Variants in PLD1 observed in about 807,000 individuals in gnomAD.
PLD1 encodes the protein phospholipase D1.
PLD1 carries 112 observed loss-of-function variants against 137.1 expected under a neutral mutation model. The ratio of observed to expected loss-of-function variants is 0.82; its 90% CI spans 0.70 to 0.96. PLD1 has a LOEUF of 0.96. Ranked by LOEUF, PLD1 falls within the 40% of genes least tolerant of loss-of-function variation. The pLI, the probability that PLD1 is intolerant of heterozygous loss-of-function variation, is 0.00. For missense variants in PLD1, 1,321 were observed against 1,342.0 expected (o/e 0.98, Z 0.24); for synonymous variants, 431 against 454.7 (o/e 0.95, Z 0.66).
intron 25 of PLD1, chr3:171,611,571 A>G: frequency 1.9e-6 from 1 of 518,850 alleles, no homozygotes; most frequent in South Asian, 1.4e-5. Flanking sequence ...ACCACAGATT[A>G]GTTTAAAATT....
At chr3:171,747,856 A>G (rs963449067) in intron 1 of PLD1, among the ~76,000 whole-genome samples, 3 of 152,146 alleles carry the variant, frequency 2.0e-5, no homozygotes, top group Non-Finnish European at 4.4e-5. Flanking sequence ...ATCTGATCTA[A>G]TTTGCTATTA....
chr3:171,720,572 G>C (rs1718056923), intron 8 of PLD1, among the ~76,000 whole-genome samples: 1 of 147,816 alleles, frequency 6.8e-6, no homozygotes, highest in Admixed American at 6.7e-5. Flanking sequence ...GACAGAGCAA[G>C]ACTCCGTCTC....
chr3:171,616,630 GAT>G (rs1212478180), intron 24 of PLD1, among the ~76,000 whole-genome samples: 1 of 152,160 alleles, frequency 6.6e-6, no homozygotes, highest in Non-Finnish European at 1.5e-5. Flanking sequence ...GATTTTCAGA[GAT>G]AGAATGTTGC....
rs970611365 is a variant in PLD1 at position 171,647,451 on chromosome 3, CT to C, written c.2430-2429del. Among the ~76,000 whole-genome samples the C allele has an allele frequency of 1.9e-3, 278 of 147,244 alleles. 2 individuals are homozygous for C. The highest frequency in any genetic ancestry group is 6.1e-3 in the African/African-American group (247 of 40,198). ...GTAATATAAAATTTGCCATTTTACC[CT>C]TTTTTTTTTATTTTGAGATAGAGTT... On this transcript the variant is annotated intron_variant, in intron 21 of 26. Coordinates refer to ENST00000351298, the MANE Select transcript of PLD1 (RefSeq NM_002662.5).
chr3:171,697,215 A>C (rs1715786242), intron 12 of PLD1, among the ~76,000 whole-genome samples: 1 of 146,376 alleles, frequency 6.8e-6, no homozygotes, highest in Non-Finnish European at 1.5e-5. Flanking sequence ...TTCTTCCACT[A>C]TCAGAGTCAC....
intron 6 of PLD1, 124 bp from the exon 7 acceptor site, chr3:171,726,200 C>T: frequency 1.5e-6 from 1 of 655,792 alleles, no homozygotes; most frequent in Non-Finnish European, 2.8e-6. Context: ...CTACACAGAT[C>T]AATAATAATG....
chr3:171,752,643 G>T (rs1720743495), intron 1 of PLD1, among the ~76,000 whole-genome samples: 1 of 152,188 alleles, frequency 6.6e-6, no homozygotes. Context: ...ATCTCTGAAA[G>T]AAATCAAATC....
At chr3:171,618,858 C>CGTGTGT (rs139135798) in intron 24 of PLD1, among the ~76,000 whole-genome samples, 6,408 of 135,542 alleles carry the variant, frequency 0.047, 389 homozygotes, top group African/African-American at 0.13. Context: ...AGTGTGTGTG[C>CGTGTGT]GTGTGTGTGT....
At chr3:171,640,141 T>A (rs1328525778) in intron 23 of PLD1, among the ~76,000 whole-genome samples, 5 of 151,818 alleles carry the variant, frequency 3.3e-5, no homozygotes, top group Admixed American at 2.6e-4. Flanking sequence ...TTTTCTCTAT[T>A]TTTTTCTATT....
intron 24 of PLD1, among the ~76,000 whole-genome samples, chr3:171,616,029 C>T (rs1008425762): frequency 1.3e-5 from 2 of 152,178 alleles, no homozygotes; most frequent in African/African-American, 4.8e-5. Flanking sequence ...AACTGTTTGC[C>T]AGTCTGGTAT....
intron 8 of PLD1, among the ~76,000 whole-genome samples, chr3:171,718,822 G>A (rs769813766): frequency 2.0e-5 from 3 of 152,156 alleles, no homozygotes; most frequent in Non-Finnish European, 4.4e-5. Flanking sequence ...TAGTTCATAA[G>A]TATTCATAAA....
At chr3:171,806,010 T>C (rs1482434159) in intron 1 of PLD1, among the ~76,000 whole-genome samples, 1 of 152,190 alleles carries the variant, frequency 6.6e-6, no homozygotes, top group Non-Finnish European at 1.5e-5. Context: ...ACCTCATCTC[T>C]ACAAAATAAA....
chr3:171,694,475 T>C (rs938570745), intron 12 of PLD1, among the ~76,000 whole-genome samples: 1 of 152,044 alleles, frequency 6.6e-6, no homozygotes, highest in Non-Finnish European at 1.5e-5. Context: ...AAAATTACAA[T>C]ATTATTTTAT....
intron 23 of PLD1, among the ~76,000 whole-genome samples, chr3:171,641,034 G>C (rs1735690449): frequency 6.6e-6 from 1 of 152,180 alleles, no homozygotes; most frequent in Non-Finnish European, 1.5e-5. Flanking sequence ...AGTTTAAAGG[G>C]AAGTGCCAGA....
Position 171,735,541 on chromosome 3 carries a change from C to G in PLD1, c.385G>C (p.Glu129Gln), listed in dbSNP as rs145174960. ...KFKHFQEFHR[E>Q]LLKYKAFIRI... ...ATAAAGGCTTTGTACTTGAGCAGCT[C>G]TCTGTGAAATTCTTGAAAATGCTTG... The change falls in exon 4 of 27, where the codon GAG becomes CAG. Residue 129 changes from glutamate to glutamine, a missense_variant. Coordinates refer to ENST00000351298, the MANE Select transcript of PLD1 (RefSeq NM_002662.5). 11 of 1,613,046 alleles carry G rather than the reference C, an allele frequency of 6.8e-6. No individual in the cohort carries two copies. In the African/African-American group the frequency reaches 8.0e-5, roughly 12 times the overall value.
chr3:171,688,108 G>A (rs1714760823), intron 14 of PLD1, among the ~76,000 whole-genome samples: 1 of 151,364 alleles, frequency 6.6e-6, no homozygotes, highest in Non-Finnish European at 1.5e-5. Context: ...TTTTTAATAA[G>A]TGTATTCATA....
At chr3:171,613,063 G>A (rs372654721) in intron 24 of PLD1, among the ~76,000 whole-genome samples, 3 of 152,198 alleles carry the variant, frequency 2.0e-5, no homozygotes, top group South Asian at 2.1e-4. Context: ...CCAGCTGCTC[G>A]GAATGCTGAG....
intron 1 of PLD1, among the ~76,000 whole-genome samples, chr3:171,798,975 C>T (rs938979189): frequency 6.6e-6 from 1 of 152,194 alleles, no homozygotes; most frequent in South Asian, 2.1e-4. Context: ...GATTTGGGGG[C>T]ATCATTCTGG....
intron 8 of PLD1, among the ~76,000 whole-genome samples, chr3:171,720,132 A>G (rs1366572432): frequency 6.6e-6 from 1 of 151,950 alleles, no homozygotes; most frequent in South Asian, 2.1e-4. Flanking sequence ...CCATCTTTAC[A>G]AAAAATACAA....
Sources: gnomAD v4.1 joint callset for allele counts (sites outside exome capture counted in the v4.1 genomes callset) on GRCh38, gnomAD v4.1.1 for gene constraint, MANE v1.5 for transcripts, NCBI Gene and HGNC (gene_info 2026-07-23, HGNC 2026-07-21) for gene names.